KRABD4: variants seen among roughly 807,000 people sequenced by gnomAD.
KRABD4 encodes KRAB domain-containing protein 4.
the KRABD4 span, among the ~76,000 whole-genome samples, chrX:46,469,656 A>C: frequency 5.2e-3 from 583 of 111,677 alleles, 5 homozygotes; most frequent in East Asian, 0.02. Flanking sequence ...AGGACAGTTT[A>C]TTTCTTTTCC....
At chrX:46,457,132 G>A in the KRABD4 span, 8 of 363,601 alleles carry the variant, frequency 2.2e-5, no homozygotes, top group East Asian at 1.1e-4. Context: ...TGTGTGTCCC[G>A]GATCCTGTAA....
chrX:46,450,983 C>T, the KRABD4 span, among the ~76,000 whole-genome samples: 8 of 111,153 alleles, frequency 7.2e-5, no homozygotes, highest in East Asian at 1.7e-3. Context: ...ATTACAGGCG[C>T]GAGCCACCAT....
the KRABD4 span, chrX:46,471,332 G>C: frequency 1.6e-6 from 1 of 625,243 alleles, no homozygotes; most frequent in Non-Finnish European, 2.4e-6. Flanking sequence ...CTTTTGGTTA[G>C]GTTTTCATGG....
At chrX:46,456,547 T>C in the KRABD4 span, 1 of 220,012 alleles carries the variant, frequency 4.5e-6, no homozygotes, top group Non-Finnish European at 9.1e-6. Context: ...TTTTTTCAGG[T>C]CACTTGTAGT....
the KRABD4 span, among the ~76,000 whole-genome samples, chrX:46,469,831 T>C: frequency 9.0e-6 from 1 of 111,392 alleles, no homozygotes; most frequent in Non-Finnish European, 1.9e-5. Flanking sequence ...TACTTGCAGG[T>C]TTTTTCATAA....
the KRABD4 span, among the ~76,000 whole-genome samples, chrX:46,470,720 TATG>T: frequency 9.0e-6 from 1 of 110,784 alleles, no homozygotes; most frequent in African/African-American, 3.3e-5. Flanking sequence ...TCCCACAAAT[TATG>T]ATATGTTGCA....
the KRABD4 span, among the ~76,000 whole-genome samples, chrX:46,450,803 A>G: frequency 9.5e-6 from 1 of 105,644 alleles, no homozygotes; most frequent in Admixed American, 1.0e-4. Context: ...TCCGGGTTCA[A>G]GCGATTCTCC....
chrX:46,474,465 C>T, the KRABD4 span: 10 of 111,002 alleles, frequency 9.0e-5, no homozygotes, highest in Non-Finnish European at 1.9e-4. Context: ...ACATATCCCC[C>T]ATGGATAAGG....
At chrX:46,459,716 T>C in the KRABD4 span, among the ~76,000 whole-genome samples, 1 of 112,009 alleles carries the variant, frequency 8.9e-6, no homozygotes, top group East Asian at 2.8e-4. Context: ...TATGTGTTAC[T>C]GGAAGCCTGA....
At chrX:46,468,673 G>T in the KRABD4 span, among the ~76,000 whole-genome samples, 1 of 111,235 alleles carries the variant, frequency 9.0e-6, no homozygotes, top group Non-Finnish European at 1.9e-5. Flanking sequence ...AACAAAAAAA[G>T]AATTTAATAT....
chrX:46,468,398 C>G, the KRABD4 span, among the ~76,000 whole-genome samples: 2 of 109,577 alleles, frequency 1.8e-5, no homozygotes, highest in African/African-American at 6.7e-5. Flanking sequence ...CATGGTGGTG[C>G]GCACCTGTAG....
At chrX:46,450,341 C>G in the KRABD4 span, 2 of 551,500 alleles carry the variant, frequency 3.6e-6, no homozygotes, top group Non-Finnish European at 5.9e-6. Context: ...ATCACTCTCC[C>G]TAGGGTACAA....
the KRABD4 span, among the ~76,000 whole-genome samples, chrX:46,466,244 C>CTT: frequency 8.9e-6 from 1 of 111,878 alleles, no homozygotes; most frequent in Admixed American, 9.5e-5. Context: ...TCTCCTTTTA[C>CTT]TTTTATTTGC....
chrX:46,460,440 C>A, the KRABD4 span, among the ~76,000 whole-genome samples: 1 of 106,944 alleles, frequency 9.4e-6, no homozygotes, highest in Admixed American at 1.0e-4. Flanking sequence ...AAGCTGGGGG[C>A]AGGGGGGTGG....
At chrX:46,462,546 G>A in the KRABD4 span, 1 of 592,711 alleles carries the variant, frequency 1.7e-6, no homozygotes, top group Non-Finnish European at 2.6e-6. Context: ...TTGTGGGTGT[G>A]GGAACCAGAC....
the KRABD4 span, chrX:46,456,681 A>T: frequency 3.6e-6 from 1 of 279,793 alleles, no homozygotes; most frequent in South Asian, 7.6e-5. Context: ...AATGAAGGCA[A>T]ATAGCATTGA....
the KRABD4 span, among the ~76,000 whole-genome samples, chrX:46,461,723 A>G: frequency 8.9e-6 from 1 of 111,926 alleles, no homozygotes; most frequent in Non-Finnish European, 1.9e-5. Flanking sequence ...TGCTTCAGTC[A>G]GCTGCCCAGG....
the KRABD4 span, among the ~76,000 whole-genome samples, chrX:46,450,648 AC>A: frequency 9.1e-6 from 1 of 110,034 alleles, no homozygotes; most frequent in Admixed American, 9.6e-5. Flanking sequence ...GAGAGGAAAA[AC>A]AAAGAATCCT....
the KRABD4 span, chrX:46,462,608 T>C: frequency 9.2e-6 from 10 of 1,085,348 alleles, no homozygotes; most frequent in Non-Finnish European, 1.2e-5. Context: ...GGTTAGTTAC[T>C]TAGGCTCTGT....
Sources: allele counts gnomAD v4.1 joint callset (sites outside exome capture counted in the v4.1 genomes callset), GRCh38; gene constraint gnomAD v4.1.1; transcripts MANE v1.5; gene names NCBI Gene and HGNC (gene_info 2026-07-23, HGNC 2026-07-21).